Variants in GRM1 observed in about 807,000 individuals in gnomAD.
GRM1 encodes metabotropic glutamate receptor 1.
GRM1 carries 33 observed loss-of-function variants against 90.9 expected under a neutral mutation model. The ratio of observed to expected loss-of-function variants is 0.36; its 90% CI spans 0.28 to 0.49. The LOEUF is 0.49. Among genes scored for constraint, GRM1 ranks in the 20% least tolerant of loss-of-function variants. GRM1 has a pLI of 0.99. For synonymous variants in GRM1, 700 were observed against 613.2 expected, an observed-to-expected ratio of 1.14 and a Z score of -2.09; for missense variants, 1,190 against 1,534.3, an observed-to-expected ratio of 0.78 and a Z score of 3.75.
intron 1 of GRM1, among the ~76,000 whole-genome samples, chr6:146,048,314 C>A (rs1274935654): frequency 6.6e-6 from 1 of 151,938 alleles, no homozygotes; most frequent in Non-Finnish European, 1.5e-5. Flanking sequence ...TATGTAAAAC[C>A]TCACTGGGAC....
intron 7 of GRM1, among the ~76,000 whole-genome samples, chr6:146,408,765 C>T (rs377463170): frequency 3.3e-5 from 5 of 152,140 alleles, no homozygotes; most frequent in Admixed American, 6.5e-5. Flanking sequence ...CTGTATGACA[C>T]GGTTTGGCAA....
intron 2 of GRM1, among the ~76,000 whole-genome samples, chr6:146,247,280 G>A (rs886410709): frequency 2.0e-5 from 3 of 152,116 alleles, no homozygotes; most frequent in Admixed American, 6.6e-5. Context: ...ACCCATCTGT[G>A]GGGCCACTTA....
chr6:146,153,252 T>C (rs776575325), intron 1 of GRM1, among the ~76,000 whole-genome samples: 2 of 152,218 alleles, frequency 1.3e-5, no homozygotes, highest in East Asian at 3.8e-4. Flanking sequence ...ATTAGTTCTG[T>C]TTTTAGTAAA....
intron 2 of GRM1, among the ~76,000 whole-genome samples, chr6:146,170,436 C>CT (rs1333562935): frequency 6.6e-6 from 1 of 152,048 alleles, no homozygotes; most frequent in East Asian, 1.9e-4. Context: ...TCACATTTCT[C>CT]TGAGGCTCCG....
rs75904594 is a variant in GRM1 at position 146,094,096 on chromosome 6, T to C, written c.700+63879T>C. Among the ~76,000 whole-genome samples the C allele has an allele frequency of 6.2e-3, 950 of 152,216 alleles. 11 individuals are homozygous for C. Among genetic ancestry groups the C allele is most frequent in the African/African-American group, 0.022 (900 of 41,556 alleles). Reference sequence around the variant, plus strand: ...TCTGATAATAATTGGCTACATGACTTTCTTAGATATAAATAAAACTAGGGA... The same window carrying C: ...TCTGATAATAATTGGCTACATGACTCTCTTAGATATAAATAAAACTAGGGA... On this transcript the variant is annotated intron_variant, in intron 1 of 7. Coordinates refer to ENST00000282753, the MANE Select transcript of GRM1 (RefSeq NM_001278064.2).
chr6:146,272,944 C>T (rs990964007), intron 2 of GRM1, among the ~76,000 whole-genome samples: 6 of 152,076 alleles, frequency 3.9e-5, no homozygotes, highest in African/African-American at 1.4e-4. Context: ...ATGACTATCA[C>T]AGTAACCAAA....
At chr6:146,075,464 G>A (rs1776153475) in intron 1 of GRM1, among the ~76,000 whole-genome samples, 1 of 152,176 alleles carries the variant, frequency 6.6e-6, no homozygotes, top group South Asian at 2.1e-4. Context: ...TAAATGCTGT[G>A]AGACTACAGA....
chr6:146,111,680 T>C (rs910526102), intron 1 of GRM1, among the ~76,000 whole-genome samples: 4 of 152,044 alleles, frequency 2.6e-5, no homozygotes, highest in South Asian at 2.1e-4. Context: ...ATTAGAGGAA[T>C]AGAGAGAAGG....
chr6:146,175,233 A>G (rs1778297825), intron 2 of GRM1, among the ~76,000 whole-genome samples: 2 of 152,190 alleles, frequency 1.3e-5, no homozygotes, highest in East Asian at 3.9e-4. Flanking sequence ...ACTTTTTCTG[A>G]TTAAATATGC....
chr6:146,423,514 T>C (rs1778081321), intron 7 of GRM1, among the ~76,000 whole-genome samples: 1 of 152,216 alleles, frequency 6.6e-6, no homozygotes, highest in East Asian at 1.9e-4. Flanking sequence ...TAGGGTGTCT[T>C]TGGGATTACT....
intron 3 of GRM1, 62 bp from the exon 4 acceptor site, chr6:146,352,188 A>T: frequency 6.4e-7 from 1 of 1,568,566 alleles, no homozygotes; most frequent in Non-Finnish European, 8.8e-7. Context: ...TTTGAGAATT[A>T]AACCTGGGAG....
rs543121444 is a variant in GRM1, at chr6:146,038,631, G to A, written c.700+8414G>A. Among the ~76,000 whole-genome samples, 11 of 151,998 alleles carry A rather than the reference G, an allele frequency of 7.2e-5. No homozygotes were observed. In the South Asian group the frequency reaches 1.9e-3, roughly 26 times the overall value. ...TGCTGATTTACTAACACTGAGTGGC[G>A]CATATTCAACTTCTCATTCTCTCCC... On this transcript the variant is annotated intron_variant, in intron 1 of 7. Coordinates refer to ENST00000282753, the MANE Select transcript of GRM1 (RefSeq NM_001278064.2).
intron 2 of GRM1, among the ~76,000 whole-genome samples, chr6:146,287,266 T>G (rs1782800212): frequency 6.6e-6 from 1 of 152,210 alleles, no homozygotes; most frequent in African/African-American, 2.4e-5. Flanking sequence ...CCTTCCTGTC[T>G]TATTCTACTG....
chr6:146,145,104 G>A (rs1181864908), intron 1 of GRM1, among the ~76,000 whole-genome samples: 2 of 152,082 alleles, frequency 1.3e-5, no homozygotes, highest in East Asian at 1.9e-4. Context: ...TGCTAATCCC[G>A]AAATTCAGGA....
At chr6:146,326,553 T>G (rs1235293607) in intron 3 of GRM1, among the ~76,000 whole-genome samples, 2 of 152,070 alleles carry the variant, frequency 1.3e-5, no homozygotes, top group African/African-American at 4.8e-5. Flanking sequence ...ACAAGTTTAC[T>G]TATGTAAGAA....
chr6:146,403,124 A>G lies in GRM1; in HGVS notation c.2660+3425A>G, dbSNP rs144857629. ...TAGAAGAAAATGAAAATCCCTGGAC[A>G]TTTATGAGGAAGTAAATTAATTAGA... On this transcript the variant is annotated intron_variant, in intron 7 of 7. Transcript: ENST00000282753. 5.4e-4 allele frequency among the ~76,000 whole-genome samples: 83 copies of G among 152,306 alleles called. 1 individual carries two copies. In the East Asian group the frequency reaches 0.014, roughly 25 times the overall value.
chr6:146,075,353 G>C (rs1488468973), intron 1 of GRM1, among the ~76,000 whole-genome samples: 2 of 152,172 alleles, frequency 1.3e-5, no homozygotes, highest in Non-Finnish European at 1.5e-5. Context: ...AGCTCTGACA[G>C]TTCATCAGTG....
intron 7 of GRM1, among the ~76,000 whole-genome samples, chr6:146,420,553 C>T (rs1181412377): frequency 6.6e-6 from 1 of 152,186 alleles, no homozygotes; most frequent in African/African-American, 2.4e-5. Context: ...TTTCTAGGGC[C>T]TCTACATAAT....
intron 5 of GRM1, among the ~76,000 whole-genome samples, chr6:146,380,053 T>C (rs987016206): frequency 6.6e-6 from 1 of 152,048 alleles, no homozygotes; most frequent in Admixed American, 6.5e-5. Flanking sequence ...GCCATAGTTG[T>C]GCTGACCTCA....
Sources: allele counts gnomAD v4.1 joint callset (sites outside exome capture counted in the v4.1 genomes callset), GRCh38; gene constraint gnomAD v4.1.1; transcripts MANE v1.5; gene names NCBI Gene and HGNC (gene_info 2026-07-23, HGNC 2026-07-21).